IRAK4: variants seen among roughly 807,000 people sequenced by gnomAD.
IRAK4 encodes the protein interleukin 1 receptor associated kinase 4, also known as interleukin-1 receptor-associated kinase 4.
A neutral mutation model predicts 51.8 loss-of-function variants in IRAK4; 44 were observed. The ratio of observed to expected loss-of-function variants is 0.85; its 90% CI spans 0.67 to 1.09. The LOEUF is 1.09. IRAK4 is among the 50% of genes least tolerant of loss of function. The probability of loss-of-function intolerance (pLI) is 0.00; values close to 1 mark genes in which losing one functional copy is unlikely to be tolerated. For missense variants in IRAK4, 487 were observed against 538.0 expected (o/e 0.91, Z 0.94); for synonymous variants, 149 against 174.1 (o/e 0.86, Z 1.13).
intron 5 of IRAK4, 87 bp downstream of exon 5, chr12:43,773,159 A>G: frequency 8.5e-7 from 1 of 1,177,002 alleles, no homozygotes; most frequent in Non-Finnish European, 1.2e-6. Flanking sequence ...TAGGAAATAC[A>G]TTATTTCAGT....
chr12:43,774,050 G>A (rs1259667522), intron 6 of IRAK4, 21 bp downstream of exon 6: 1 of 1,580,058 alleles, frequency 6.3e-7, no homozygotes, highest in Non-Finnish European at 8.7e-7. Context: ...ATCTGGCAGT[G>A]CGGTGTAGTG....
chr12:43,776,621 A>C (rs1348091089), intron 6 of IRAK4, among the ~76,000 whole-genome samples: 7 of 152,234 alleles, frequency 4.6e-5, no homozygotes, highest in Non-Finnish European at 8.8e-5. Context: ...CATATTACAT[A>C]CTGTTTTCTG....
intron 1 of IRAK4, among the ~76,000 whole-genome samples, chr12:43,767,043 C>T (rs1010057079): frequency 7.2e-5 from 11 of 152,100 alleles, no homozygotes; most frequent in East Asian, 3.8e-4. Flanking sequence ...AGAAGCTTTT[C>T]GCTTTTTACT....
intron 6 of IRAK4, 152 bp downstream of exon 6, chr12:43,774,181 T>G (rs1456174414): frequency 1.5e-6 from 1 of 659,874 alleles, no homozygotes; most frequent in Non-Finnish European, 2.7e-6. Flanking sequence ...TGAAAGTACT[T>G]TTGGCTCCAT....
In IRAK4 at chr12:43,786,686, C is replaced by G. The variant is rs1375893043; in HGVS notation, c.1354C>G (p.Gln452Glu). The change falls in exon 12 of 12, where the codon CAG becomes GAG. Residue 452 changes from glutamine (Q) to glutamate (E), a missense_variant. Gln to Glu is a conservative substitution (Grantham distance 29). Coordinates refer to ENST00000613694, the MANE Select transcript of IRAK4 (RefSeq NM_016123.4). ...TTTTCTTTCTTTTTAAAAGGTTCAACAGCTGCTGCAAGAGATGACAGCTTC... is the reference window on the plus strand; with the variant it reads ...TTTTCTTTCTTTTTAAAAGGTTCAAGAGCTGCTGCAAGAGATGACAGCTTC... Reference protein sequence around the residue: ...NKRPDIKKVQQLLQEMTAS With the variant: ...NKRPDIKKVQELLQEMTAS The G allele has an allele frequency of 6.2e-7, 1 of 1,613,566 alleles. No homozygotes were observed. Among genetic ancestry groups the G allele is most frequent in the Admixed American group, 1.7e-5 (1 of 60,004 alleles).
Position 43,768,193 on chromosome 12 carries a change from C to T in IRAK4, c.82C>T (p.Pro28Ser). 6.2e-7 allele frequency: 1 copy of T among 1,613,154 alleles called. No individual in the cohort carries two copies. Among genetic ancestry groups the T allele is most frequent in the African/African-American group, 1.3e-5 (1 of 75,002 alleles). ...TAGGAAGCTGTCAGATTTTATTGAT[C>T]CTCAAGAAGGATGGAAGAAGTTAGC... ...LIRKLSDFID[P>S]QEGWKKLAVA... is the part of the protein sequence containing the mutation. The change falls in exon 2 of 12, where the codon CCT (proline) becomes TCT (serine). Residue 28 changes from proline to serine, a missense_variant. Transcript: ENST00000613694.
intron 8 of IRAK4, 144 bp from the exon 9 acceptor site, chr12:43,782,163 T>C (rs1941828964): frequency 1.5e-6 from 1 of 646,964 alleles, no homozygotes; most frequent in South Asian, 1.8e-5. Context: ...CTATAAAACG[T>C]TACACTCTGT....
intron 4 of IRAK4, among the ~76,000 whole-genome samples, 197 bp downstream of exon 4, chr12:43,772,559 C>G (rs1940880322): frequency 6.6e-6 from 1 of 151,976 alleles, no homozygotes; most frequent in South Asian, 2.1e-4. Flanking sequence ...ATAGGACATG[C>G]AAACAACCAG....
chr12:43,781,745 A>T (rs1188146165), intron 8 of IRAK4, among the ~76,000 whole-genome samples: 3 of 152,250 alleles, frequency 2.0e-5, no homozygotes, highest in Non-Finnish European at 4.4e-5. Context: ...CAACATAGGG[A>T]GTTCTCAATA....
intron 8 of IRAK4, 113 bp from the exon 9 acceptor site, chr12:43,782,194 A>C (rs1941833568): frequency 4.2e-6 from 3 of 716,782 alleles, no homozygotes; most frequent in South Asian, 3.1e-5. Flanking sequence ...GTACATATGC[A>C]TGTATGCATA....
intron 9 of IRAK4, 63 bp downstream of exon 9, chr12:43,782,553 A>G: frequency 7.8e-7 from 1 of 1,277,454 alleles, no homozygotes; most frequent in Non-Finnish European, 1.1e-6. Flanking sequence ...AAATGAAGAG[A>G]ATATTATTTA....
At chr12:43,775,526 C>T (rs1565675276) in intron 6 of IRAK4, among the ~76,000 whole-genome samples, 1 of 152,184 alleles carries the variant, frequency 6.6e-6, no homozygotes, top group Non-Finnish European at 1.5e-5. Context: ...GTGTGTGTAG[C>T]ATTTTCCCAT....
intron 5 of IRAK4, 132 bp downstream of exon 5, chr12:43,773,204 G>A: frequency 2.3e-6 from 2 of 888,292 alleles, no homozygotes; most frequent in Non-Finnish European, 3.4e-6. Context: ...ATTCTAAATA[G>A]TAGTTCTTAA....
rs1168907001 is a variant in IRAK4, at chr12:43,772,238, A to G, written c.366A>G (p.Gln122=). Residue 122 remains glutamine (Q), a synonymous_variant, in exon 4 of 12, where the codon CAA becomes CAG. Transcript: ENST00000613694. ...LPSKEAITVQ[Q]KQMPFCDKDR... ...CTAAAGAAGCTATAACAGTTCAGCA[A>G]AAACAGATGCCTTTCTGTGACAAAG... 2.5e-6 allele frequency: 4 copies of G among 1,613,804 alleles called. No individual in the cohort carries two copies. Among genetic ancestry groups the G allele is most frequent in the Non-Finnish European group, 3.4e-6 (4 of 1,179,936 alleles).
chr12:43,766,134 A>C (rs1940121465), intron 1 of IRAK4, among the ~76,000 whole-genome samples: 1 of 152,168 alleles, frequency 6.6e-6, no homozygotes, highest in Non-Finnish European at 1.5e-5. Flanking sequence ...TGTAACTTTT[A>C]GTTTATAAGT....
chr12:43,772,324 C>G lies in IRAK4; in HGVS notation c.452C>G (p.Ser151Ter). The G allele has an allele frequency of 6.2e-7, 1 of 1,613,564 alleles. No individual in the cohort carries two copies. Among genetic ancestry groups the G allele is most frequent in the Non-Finnish European group, 8.5e-7 (1 of 1,179,938 alleles). The change falls in exon 4 of 12, where the codon TCA becomes TGA. Residue 151 changes from serine to a stop codon, truncating the protein, a stop_gained. Transcript: ENST00000613694. LOFTEE classifies it high-confidence loss of function. ...LEQSYMPPDSSSPENKSLEVS... is the reference protein window; with the variant it reads ...LEQSYMPPDS ...CAAAGCTATATGCCACCTGACTCCT[C>G]AAGTCCAGAAAATAAAAGTTTAGAA...
At chr12:43,782,280 T>C (rs750456235) in intron 8 of IRAK4, 27 bp from the exon 9 acceptor site, 1 of 1,569,026 alleles carries the variant, frequency 6.4e-7, no homozygotes, top group Non-Finnish European at 8.8e-7. Context: ...AAAACATTTT[T>C]TTCTTCAAAC....
Position 43,787,146 on chromosome 12 carries a change from G to T in IRAK4, c.*431G>T. ...TAATATCTGCTGTGCTTCTCTGACA[G>T]GTAGTCATGAAAATCAAATGATGCA... On this transcript the variant is annotated 3_prime_UTR_variant, in exon 12 of 12. Coordinates refer to ENST00000613694, the MANE Select transcript of IRAK4 (RefSeq NM_016123.4). The T allele has an allele frequency of 6.2e-6, 1 of 161,900 alleles. No homozygotes were observed. Among genetic ancestry groups the T allele is most frequent in the Admixed American group, 6.2e-5 (1 of 16,124 alleles). The allele number at this position is 161,900 out of a possible 1,614,324, so 10.0% of individuals were successfully genotyped here. A position where few individuals can be genotyped will look rare whatever the true frequency, so the allele number is the denominator to read the frequency against.
chr12:43,771,456 C>T, intron 3 of IRAK4, 91 bp downstream of exon 3: 3 of 1,327,598 alleles, frequency 2.3e-6, no homozygotes, highest in Non-Finnish European at 2.1e-6. Flanking sequence ...CCTTTTTTCT[C>T]ATAGTAGATG....
Sources: allele counts gnomAD v4.1 joint callset (sites outside exome capture counted in the v4.1 genomes callset), GRCh38; gene constraint gnomAD v4.1.1; transcripts MANE v1.5; gene names NCBI Gene and HGNC (gene_info 2026-07-23, HGNC 2026-07-21).